Variants in R3HDM1 observed in about 807,000 individuals in gnomAD.
R3HDM1 encodes the protein R3H domain containing 1, also known as R3H domain-containing protein 1.
In R3HDM1, 46 loss-of-function variants were observed where a neutral mutation model predicts 141.1. The observed-to-expected ratio is 0.33, with a 90% CI of 0.26 to 0.42. The LOEUF is 0.42. Among genes scored for constraint, R3HDM1 ranks in the 10% least tolerant of loss-of-function variants. R3HDM1 has a pLI of 1.00. For synonymous variants in R3HDM1, 435 were observed against 472.9 expected (o/e 0.92, Z 1.04); for missense variants, 1,184 against 1,368.3 (o/e 0.87, Z 2.12).
At chr2:135,535,863 C>T (rs948915726) in intron 1 of R3HDM1, among the ~76,000 whole-genome samples, 1 of 152,108 alleles carries the variant, frequency 6.6e-6, no homozygotes, top group Admixed American at 6.5e-5. Flanking sequence ...GAAACTAAAT[C>T]CTGGCCTCAA....
intron 1 of R3HDM1, among the ~76,000 whole-genome samples, chr2:135,543,408 T>C (rs908070157): frequency 2.6e-5 from 4 of 151,270 alleles, no homozygotes; most frequent in Non-Finnish European, 5.9e-5. Context: ...AATTCTGTTC[T>C]TCTTTTTCGA....
At chr2:135,701,636 T>A (rs2074223733) in intron 21 of R3HDM1, among the ~76,000 whole-genome samples, 1 of 152,158 alleles carries the variant, frequency 6.6e-6, no homozygotes, top group Admixed American at 6.5e-5. Flanking sequence ...GATAGCTAAA[T>A]GTCAGGAGCA....
intron 21 of R3HDM1, among the ~76,000 whole-genome samples, chr2:135,683,174 G>A (rs796359600): frequency 6.6e-5 from 10 of 152,280 alleles, no homozygotes; most frequent in African/African-American, 2.4e-4. Context: ...TGAGTTGTAC[G>A]TGAAGCAGGG....
At chr2:135,630,969 C>CA (rs2062650977) in intron 7 of R3HDM1, among the ~76,000 whole-genome samples, 1 of 152,096 alleles carries the variant, frequency 6.6e-6, no homozygotes, top group African/African-American at 2.4e-5. Flanking sequence ...GGAGCACATA[C>CA]AGGTACTCCC....
chr2:135,694,716 GA>G (rs1310885617), intron 21 of R3HDM1, among the ~76,000 whole-genome samples: 1 of 152,186 alleles, frequency 6.6e-6, no homozygotes, highest in Admixed American at 6.5e-5. Flanking sequence ...GGGACTTAAG[GA>G]AGCCAAGGTA....
intron 1 of R3HDM1, among the ~76,000 whole-genome samples, chr2:135,564,750 A>G (rs1702417531): frequency 6.6e-6 from 1 of 152,246 alleles, no homozygotes; most frequent in South Asian, 2.1e-4. Flanking sequence ...TGTAATACAC[A>G]TTCATAGAGG....
intron 19 of R3HDM1, chr2:135,670,488 A>G (rs768913658): frequency 5.7e-4 from 455 of 799,956 alleles, no homozygotes; most frequent in Middle Eastern, 1.9e-3. Context: ...TACAATTTCT[A>G]TTGATAAGAT....
intron 1 of R3HDM1, among the ~76,000 whole-genome samples, chr2:135,575,067 G>C (rs973932768): frequency 6.6e-6 from 1 of 152,126 alleles, no homozygotes; most frequent in Non-Finnish European, 1.5e-5. Flanking sequence ...AATCTGAAAG[G>C]CTCCAAAATT....
At chr2:135,629,161 A>G (rs866324550) in intron 7 of R3HDM1, among the ~76,000 whole-genome samples, 11 of 152,022 alleles carry the variant, frequency 7.2e-5, no homozygotes, top group African/African-American at 2.4e-4. Flanking sequence ...TACTAAAAAT[A>G]CAAAAATTTG....
Position 135,552,689 on chromosome 2 carries a change from G to A in R3HDM1, c.-250+21056G>A, listed in dbSNP as rs188527554. ...TTTAGAGGAAGTTGATAGAGATATT[G>A]GTTCTTAAAAAGCCCAGGTCATCAT... On this transcript the variant is annotated intron_variant, in intron 1 of 26. Coordinates refer to ENST00000683871, the MANE Select transcript of R3HDM1 (RefSeq NM_001378107.1). 2.0e-5 allele frequency among the ~76,000 whole-genome samples: 3 copies of A among 152,164 alleles called. No homozygotes were observed. The East Asian group carries it at 5.8e-4, about 29-fold the overall frequency.
chr2:135,716,946 C>T (rs1241835978), intron 24 of R3HDM1, among the ~76,000 whole-genome samples: 13 of 131,366 alleles, frequency 9.9e-5, no homozygotes, highest in Admixed American at 5.1e-4. Flanking sequence ...AGAGAGGCTC[C>T]GTCTCAAAAC....
At chr2:135,620,925 CTG>C (rs369951831) in intron 5 of R3HDM1, among the ~76,000 whole-genome samples, 102 of 152,028 alleles carry the variant, frequency 6.7e-4, no homozygotes, top group Admixed American at 2.0e-3. Context: ...TTCTAAAAAA[CTG>C]TGGTGATTGA....
chr2:135,676,852 A>G (rs560993196), intron 20 of R3HDM1, among the ~76,000 whole-genome samples: 2 of 152,284 alleles, frequency 1.3e-5, no homozygotes, highest in African/African-American at 2.4e-5. Context: ...ATTCATCTCA[A>G]CAAGGAGAGA....
At chr2:135,574,154 T>A (rs368019523) in intron 1 of R3HDM1, among the ~76,000 whole-genome samples, 2 of 152,074 alleles carry the variant, frequency 1.3e-5, no homozygotes, top group Non-Finnish European at 2.9e-5. Flanking sequence ...AACATAGATA[T>A]GCAAAATAAG....
At chr2:135,547,744 A>G (rs1573643609) in intron 1 of R3HDM1, among the ~76,000 whole-genome samples, 1 of 133,898 alleles carries the variant, frequency 7.5e-6, no homozygotes, top group Non-Finnish European at 1.6e-5. Flanking sequence ...GAGAACTTAT[A>G]TGTCTGTAGT....
intron 17 of R3HDM1, 70 bp from the exon 18 acceptor site, chr2:135,651,660 A>G: frequency 4.7e-6 from 7 of 1,494,974 alleles, no homozygotes; most frequent in South Asian, 2.9e-5. Flanking sequence ...AAAAATAGGA[A>G]GTATTTTTCT....
intron 21 of R3HDM1, among the ~76,000 whole-genome samples, chr2:135,691,660 G>T (rs1575053188): frequency 6.6e-6 from 1 of 151,854 alleles, no homozygotes; most frequent in Admixed American, 6.6e-5. Context: ...GGATTTGGTG[G>T]TGGGCCCCTG....
intron 21 of R3HDM1, among the ~76,000 whole-genome samples, chr2:135,682,430 T>C (rs2070480055): frequency 6.6e-6 from 1 of 152,186 alleles, no homozygotes; most frequent in Admixed American, 6.5e-5. Flanking sequence ...GTGAGAGAGC[T>C]TGCCATAAGA....
At chr2:135,539,510 G>GA (rs1306968589) in intron 1 of R3HDM1, among the ~76,000 whole-genome samples, 1 of 152,122 alleles carries the variant, frequency 6.6e-6, no homozygotes, top group East Asian at 1.9e-4. Flanking sequence ...TGATTGTATT[G>GA]ATACAGCAAC....
Sources: allele counts gnomAD v4.1 joint callset (sites outside exome capture counted in the v4.1 genomes callset), GRCh38; gene constraint gnomAD v4.1.1; transcripts MANE v1.5; gene names NCBI Gene and HGNC (gene_info 2026-07-23, HGNC 2026-07-21).